Variants in DPH1 observed in about 807,000 individuals in gnomAD.
The protein encoded by DPH1 is 2-(3-amino-3-carboxypropyl)histidine synthase subunit 1.
DPH1 carries 59 observed loss-of-function variants against 55.3 expected under a neutral mutation model. The observed-to-expected ratio is 1.07, with a 90% CI of 0.87 to 1.33. The LOEUF (loss-of-function observed/expected upper bound fraction) is 1.33, where lower values mean the gene tolerates loss of function less well. Ranked by LOEUF, DPH1 falls within the 40% of genes most tolerant of loss-of-function variation. The pLI is 0.00. For missense variants in DPH1, 628 were observed against 584.8 expected (o/e 1.07, Z -0.76); for synonymous variants, 238 against 235.5 (o/e 1.01, Z -0.10).
intron 3 of DPH1, chr17:2,034,950 T>A (rs940449216): frequency 2.0e-5 from 3 of 147,340 alleles, no homozygotes; most frequent in Non-Finnish European, 4.5e-5. Flanking sequence ...CAGGCCAATT[T>A]GCATACATTT....
intron 1 of DPH1, 58 bp from the exon 2 acceptor site, chr17:2,033,447 A>G (rs770066814): frequency 8.7e-6 from 14 of 1,611,606 alleles, no homozygotes; most frequent in African/African-American, 2.7e-5. Flanking sequence ...TCCCTATTCC[A>G]TCTCAATCTG....
At chr17:2,037,338 G>C (rs1188478810) in intron 6 of DPH1, 1 of 168,532 alleles carries the variant, frequency 5.9e-6, no homozygotes, top group Non-Finnish European at 1.3e-5. Context: ...AATTATTTTA[G>C]GTAATGGAAA....
Position 2,041,188 on chromosome 17 carries a change from C to T in DPH1, c.1086+7C>T, listed in dbSNP as rs979626228. On this transcript the variant is annotated splice_region_variant and intron_variant, in intron 10 of 12. Coordinates refer to ENST00000263083, the MANE Select transcript of DPH1 (RefSeq NM_001383.6). The stretch of plus-strand genomic sequence containing the variant: ...GCTGCTGACACCCTATGAGGTAACA[C>T]CAAGCTCTGGGAGAGAGTGGGCTTT... 3.7e-6 allele frequency: 6 copies of T among 1,600,938 alleles called. No individual in the cohort carries two copies. The South Asian group carries it at 5.6e-5, about 15-fold the overall frequency.
Position 2,039,795 on chromosome 17 carries a change from A to T in DPH1, c.721A>T (p.Ile241Phe), listed in dbSNP as rs766728635. ...CCGCTTCCATCTGGAGTCTGTCATG[A>T]TTGCCAACCCCAATGTCCCCGCTTA... ...DGRFHLESVM[I>F]ANPNVPAYRY... Residue 241 changes from isoleucine to phenylalanine, a missense_variant, in exon 7 of 13, where the codon ATT (isoleucine) becomes TTT (phenylalanine). Ile to Phe is a conservative substitution (Grantham distance 21, BLOSUM62 0). Coordinates refer to ENST00000263083, the MANE Select transcript of DPH1 (RefSeq NM_001383.6). The T allele has an allele frequency of 7.4e-6, 12 of 1,613,912 alleles. No homozygotes were observed. The African/African-American group carries it at 1.5e-4, about 20-fold the overall frequency.
At position 2,043,197 on chromosome 17, in the gene DPH1, G is replaced by A; in HGVS notation, c.*611G>A. On this transcript the variant is annotated 3_prime_UTR_variant, in exon 13 of 13. Transcript: ENST00000263083. ...CCCAGGACCCTCCACTCACTGCTGT[G>A]AGTGCGCCTCACCAGAACCAGTTAA... The A allele has an allele frequency of 7.0e-7, 1 of 1,433,942 alleles. No homozygotes were observed. The highest frequency in any genetic ancestry group is 9.4e-7 in the Non-Finnish European group (1 of 1,058,774). The allele number at this position is 1,433,942 out of a possible 1,614,324, so 88.8% of individuals were successfully genotyped here.
rs1051795860 is a variant in DPH1 at position 2,030,235 on chromosome 17, G to A, written c.61+5G>A. On this transcript the variant is annotated splice_donor_5th_base_variant and intron_variant, in intron 1 of 12. Coordinates refer to ENST00000263083, the MANE Select transcript of DPH1 (RefSeq NM_001383.6). ...GCCGAGACGGCCCTGGCAGAGGTGG[G>A]TGCTGGAACGCTGCGCCCTCCAGAC... 2.5e-6 allele frequency: 4 copies of A among 1,575,290 alleles called. No individual in the cohort carries two copies. Among genetic ancestry groups the A allele is most frequent in the Non-Finnish European group, 2.6e-6 (3 of 1,160,860 alleles).
chr17:2,041,206 T>G, intron 10 of DPH1, 25 bp downstream of exon 10: 1 of 1,587,412 alleles, frequency 6.3e-7, no homozygotes, highest in Non-Finnish European at 8.6e-7. Flanking sequence ...TGGGAGAGAG[T>G]GGGCTTTGGA....
At position 2,041,892 on chromosome 17, in the gene DPH1, T is replaced by C. The variant is rs536673602; in HGVS notation, c.*18+17T>C. 45 of 1,556,736 alleles carry C rather than the reference T, an allele frequency of 2.9e-5. No homozygotes were observed. The highest frequency in any genetic ancestry group is 9.5e-5 in the East Asian group (4 of 42,114). ...GGGCCTCAGGTATCAGCCCCCGCTC[T>C]GGGTGCGCCCCGCCTTTTGCCGTTG... is the stretch of plus-strand genomic sequence containing the variant. On this transcript the variant is annotated intron_variant, in intron 12 of 12. Coordinates refer to ENST00000263083, the MANE Select transcript of DPH1 (RefSeq NM_001383.6).
intron 6 of DPH1, among the ~76,000 whole-genome samples, chr17:2,038,446 A>C (rs2151350469): frequency 6.6e-6 from 1 of 152,302 alleles, no homozygotes; most frequent in South Asian, 2.1e-4. Context: ...AGAGGTCCCC[A>C]ACCCCTGGTC....
rs374026645 is a variant in DPH1, at chr17:2,033,373, T to G, written c.62-132T>G. The G allele has an allele frequency of 1.1e-4, 156 of 1,409,200 alleles. 2 individuals are homozygous for G. The highest frequency in any genetic ancestry group is 1.0e-3 in the East Asian group (44 of 42,946). 87.3% of individuals were successfully genotyped at this position (1,409,200 alleles called of 1,614,324 possible). ...TAGCTAAGATGCCTGGGATTTTTCT[T>G]GAGATGACTCAAAATTTTTATTTCT... is the stretch of plus-strand genomic sequence containing the variant. On this transcript the variant is annotated intron_variant, in intron 1 of 12. Coordinates refer to ENST00000263083, the MANE Select transcript of DPH1 (RefSeq NM_001383.6).
chr17:2,037,876 A>G (rs532519057), intron 6 of DPH1, among the ~76,000 whole-genome samples: 2 of 152,196 alleles, frequency 1.3e-5, no homozygotes, highest in Non-Finnish European at 2.9e-5. Context: ...GTTTCTTAAC[A>G]TCCCTGAGCC....
intron 7 of DPH1, 148 bp downstream of exon 7, chr17:2,039,971 T>G (rs1280818892): frequency 7.0e-6 from 9 of 1,283,866 alleles, no homozygotes; most frequent in Non-Finnish European, 9.9e-6. Context: ...ATCTGGGCAT[T>G]AGCCCCAGGG....
chr17:2,042,001 CG>C (rs1441458395), intron 12 of DPH1, 126 bp downstream of exon 12: 58 of 1,487,710 alleles, frequency 3.9e-5, no homozygotes, highest in Non-Finnish European at 5.0e-5. Flanking sequence ...TGCTTCCGCT[CG>C]GGGAAAGACC....
chr17:2,041,856 G>T lies in DPH1; in HGVS notation c.1316G>T (p.Ter439LeuextTer51). 6.3e-7 allele frequency: 1 copy of T among 1,593,110 alleles called. No individual in the cohort carries two copies. The highest frequency in any genetic ancestry group is 1.1e-5 in the South Asian group (1 of 88,532). The stretch of plus-strand genomic sequence containing the variant: ...GAGAAGGTGGCGCCGCTGGCTCCTT[G>T]ACGCGCTCCCGGGCCTCAGGTATCA... ...RDEKVAPLAP[*>L] Residue 439 changes from the stop codon to leucine, a stop_lost, in exon 12 of 13, where the codon TGA becomes TTA. Transcript: ENST00000263083.
Position 2,039,837 on chromosome 17 carries a change from C to A in DPH1, c.749+14C>A. 1.2e-6 allele frequency: 2 copies of A among 1,613,922 alleles called. No homozygotes were observed. The highest frequency in any genetic ancestry group is 1.7e-6 in the Non-Finnish European group (2 of 1,179,988). On this transcript the variant is annotated intron_variant, in intron 7 of 12. Coordinates refer to ENST00000263083, the MANE Select transcript of DPH1 (RefSeq NM_001383.6). Reference sequence around the variant, plus strand: ...CCCCGCTTACCGGTATGGGCTGGGCCGGGCTGGGCTGACCAGCTGGTGAGG... The same window carrying A: ...CCCCGCTTACCGGTATGGGCTGGGCAGGGCTGGGCTGACCAGCTGGTGAGG...
chr17:2,031,745 A>T (rs1024436744), intron 1 of DPH1, among the ~76,000 whole-genome samples: 7 of 152,092 alleles, frequency 4.6e-5, no homozygotes, highest in Non-Finnish European at 1.0e-4. Flanking sequence ...TGCCTTAAAA[A>T]ATAATAAGAT....
Position 2,040,520 on chromosome 17 carries a change from C to T in DPH1, c.922C>T (p.Leu308Phe). ...PKILEHLESR[L>F]RALGLSFVRL... ...CTCCCAACAGCACCTGGAATCTCGACTCCGAGCCTTGGGCCTTTCCTTTGT... is the reference window on the plus strand; with the variant it reads ...CTCCCAACAGCACCTGGAATCTCGATTCCGAGCCTTGGGCCTTTCCTTTGT... The change falls in exon 9 of 13, where the codon CTC becomes TTC. Residue 308 changes from leucine (L) to phenylalanine (F), a missense_variant. Physicochemically the swap from Leu to Phe is conservative, Grantham distance 22. Transcript: ENST00000263083. 3.1e-6 allele frequency: 5 copies of T among 1,614,204 alleles called. No individual in the cohort carries two copies. Among genetic ancestry groups the T allele is most frequent in the Non-Finnish European group, 4.2e-6 (5 of 1,180,044 alleles).
chr17:2,040,083 C>T (rs552616713), intron 7 of DPH1, 135 bp from the exon 8 acceptor site: 49 of 1,304,938 alleles, frequency 3.8e-5, no homozygotes, highest in Non-Finnish European at 4.8e-5. Context: ...TGACAGTCCC[C>T]GCTCTTGCCT....
chr17:2,041,982 C>T (rs1449279588), intron 12 of DPH1, 107 bp downstream of exon 12: 14 of 1,496,288 alleles, frequency 9.4e-6, no homozygotes, highest in East Asian at 2.5e-5. Context: ...GGTTCCGCCC[C>T]GTGCATTGTG....
Sources: allele counts gnomAD v4.1 joint callset (sites outside exome capture counted in the v4.1 genomes callset), GRCh38; gene constraint gnomAD v4.1.1; transcripts MANE v1.5; gene names NCBI Gene and HGNC (gene_info 2026-07-23, HGNC 2026-07-21).